Variants in ADARB2 observed in about 807,000 individuals in gnomAD.
ADARB2 encodes adenosine deaminase RNA specific B2 (inactive).
ADARB2 carries 25 observed loss-of-function variants against 62.2 expected under a neutral mutation model. The observed-to-expected ratio is 0.40, with a 90% CI of 0.29 to 0.56. ADARB2 has a LOEUF of 0.56. Ranked by LOEUF, ADARB2 falls within the 20% of genes least tolerant of loss-of-function variation. The probability of loss-of-function intolerance (pLI) is 0.43; values close to 1 mark genes in which losing one functional copy is unlikely to be tolerated. For missense variants in ADARB2, 1,071 were observed against 1,077.4 expected (o/e 0.99, Z 0.08); for synonymous variants, 572 against 500.8 (o/e 1.14, Z -1.90).
At chr10:1,183,627 G>A (rs1836710340) in intron 9 of ADARB2, among the ~76,000 whole-genome samples, 1 of 152,230 alleles carries the variant, frequency 6.6e-6, no homozygotes, top group African/African-American at 2.4e-5. Flanking sequence ...TGAACACTGT[G>A]CAGGGGCTCC....
intron 6 of ADARB2, among the ~76,000 whole-genome samples, 156 bp from the exon 7 acceptor site, chr10:1,217,275 G>A (rs1180752265): frequency 6.6e-6 from 1 of 152,210 alleles, no homozygotes; most frequent in African/African-American, 2.4e-5. Context: ...AGCGCCATGT[G>A]GGGTTGGGCT....
chr10:1,329,117 G>A (rs545126756), intron 3 of ADARB2, among the ~76,000 whole-genome samples: 1 of 152,234 alleles, frequency 6.6e-6, no homozygotes, highest in African/African-American at 2.4e-5. Context: ...CCCAGTGTGG[G>A]CAGCCTGTGG....
intron 3 of ADARB2, among the ~76,000 whole-genome samples, chr10:1,286,478 T>C (rs1831415422): frequency 6.6e-6 from 1 of 152,228 alleles, no homozygotes; most frequent in Non-Finnish European, 1.5e-5. Flanking sequence ...TATCTGACTA[T>C]TTAATTATTC....
intron 4 of ADARB2, among the ~76,000 whole-genome samples, chr10:1,248,699 A>G (rs903357755): frequency 1.3e-5 from 2 of 152,264 alleles, no homozygotes; most frequent in Non-Finnish European, 1.5e-5. Context: ...CACTCCATAC[A>G]TAGTGGCTAT....
At chr10:1,282,093 A>G (rs1415681642) in intron 3 of ADARB2, among the ~76,000 whole-genome samples, 1 of 152,140 alleles carries the variant, frequency 6.6e-6, no homozygotes, top group African/African-American at 2.4e-5. Context: ...GCTCAGCTCC[A>G]GTGATAACCT....
chr10:1,712,822 G>C (rs1202507616), intron 1 of ADARB2, among the ~76,000 whole-genome samples: 1 of 151,948 alleles, frequency 6.6e-6, no homozygotes, highest in Non-Finnish European at 1.5e-5. Context: ...TGTTAGTCAG[G>C]ATGGTCTTAA....
At chr10:1,713,714 C>T (rs1320154437) in intron 1 of ADARB2, among the ~76,000 whole-genome samples, 1 of 152,208 alleles carries the variant, frequency 6.6e-6, no homozygotes, top group Non-Finnish European at 1.5e-5. Context: ...CTGGATACCT[C>T]CATGGGTGAA....
At position 1,184,960 on chromosome 10, in the gene ADARB2, C is replaced by T. The variant is rs1331793595; in HGVS notation, c.1944G>A (p.Leu648=). The stretch of plus-strand genomic sequence containing the variant: ...GCCCAGTGGTGGCGTTGATAATCTC[C>T]AGGTCCGCGCTGCCCACGACCCAGT... ...SMNWVVGSAD[L]EIINATTGRR... Residue 648 remains leucine (L), a synonymous_variant, in exon 9 of 10, where the codon CTG becomes CTA. Transcript: ENST00000381312. 1.2e-6 allele frequency: 2 copies of T among 1,613,778 alleles called. No homozygotes were observed. Among genetic ancestry groups the T allele is most frequent in the Non-Finnish European group, 8.5e-7 (1 of 1,180,034 alleles).
At chr10:1,300,788 G>T (rs1831565917) in intron 3 of ADARB2, among the ~76,000 whole-genome samples, 1 of 152,212 alleles carries the variant, frequency 6.6e-6, no homozygotes, top group African/African-American at 2.4e-5. Flanking sequence ...CCTGCTCTTG[G>T]AGGCTTGTTT....
rs947610328 is a variant in ADARB2, at chr10:1,398,224, C to G, written c.101-19064G>C. Among the ~76,000 whole-genome samples the G allele has an allele frequency of 6.6e-6, 1 of 151,642 alleles. No individual in the cohort carries two copies. The highest frequency in any genetic ancestry group is 1.5e-5 in the Non-Finnish European group (1 of 67,896). On this transcript the variant is annotated intron_variant, in intron 1 of 9. Coordinates refer to ENST00000381312, the MANE Select transcript of ADARB2 (RefSeq NM_018702.4). The surrounding 1 kb of genome is among the most constrained non-coding windows in gnomAD (Gnocchi z 4.1). ...GGGTCACCATCAGTCTCTCCCCTCC[C>G]GAGTGCAGGCTTCCTGGGTCACCGT...
At chr10:1,715,141 A>C (rs534546550) in intron 1 of ADARB2, among the ~76,000 whole-genome samples, 1 of 151,924 alleles carries the variant, frequency 6.6e-6, no homozygotes, top group South Asian at 2.1e-4. Context: ...GTGGTGTGAC[A>C]TCCTGGTTTG....
intron 3 of ADARB2, among the ~76,000 whole-genome samples, chr10:1,303,373 C>A (rs1831593662): frequency 2.6e-5 from 4 of 151,660 alleles, no homozygotes; most frequent in Admixed American, 2.6e-4. Context: ...AAATATGGGA[C>A]TATGTGAAAA....
chr10:1,309,683 C>A (rs1831665677), intron 3 of ADARB2, among the ~76,000 whole-genome samples: 1 of 152,258 alleles, frequency 6.6e-6, no homozygotes, highest in Non-Finnish European at 1.5e-5. Context: ...GGATGAGCCA[C>A]TAGGCTCTGG....
intron 2 of ADARB2, among the ~76,000 whole-genome samples, chr10:1,373,760 T>C (rs11250476): frequency 0.099 from 6,234 of 63,196 alleles, 460 homozygotes; most frequent in East Asian, 0.26. Flanking sequence ...GTGGACTCCA[T>C]GCACCTTTCC....
intron 3 of ADARB2, among the ~76,000 whole-genome samples, chr10:1,324,271 C>T (rs1474178448): frequency 2.0e-5 from 3 of 152,184 alleles, no homozygotes; most frequent in Non-Finnish European, 2.9e-5. Context: ...GAGAAGGGCC[C>T]GGGTGGGTCC....
intron 4 of ADARB2, among the ~76,000 whole-genome samples, chr10:1,256,665 A>G (rs1831082047): frequency 6.6e-6 from 1 of 152,214 alleles, no homozygotes; most frequent in South Asian, 2.1e-4. Context: ...CTCAACATCA[A>G]CACTGCAAGG....
chr10:1,725,020 C>T (rs1349957482), intron 1 of ADARB2, among the ~76,000 whole-genome samples: 2 of 152,158 alleles, frequency 1.3e-5, no homozygotes, highest in Non-Finnish European at 1.5e-5. Flanking sequence ...ATCTTTAGTT[C>T]CTATTGCCTA....
intron 1 of ADARB2, among the ~76,000 whole-genome samples, chr10:1,537,113 C>G (rs1409572269): frequency 6.6e-6 from 1 of 152,048 alleles, no homozygotes; most frequent in Non-Finnish European, 1.5e-5. Context: ...AACAAATTTA[C>G]AAGAAAAAAA....
chr10:1,395,750 G>T (rs149879843), intron 1 of ADARB2, among the ~76,000 whole-genome samples: 1 of 152,324 alleles, frequency 6.6e-6, no homozygotes, highest in Non-Finnish European at 1.5e-5. Context: ...GACAAGGACC[G>T]GGAGTGCAGC....
Sources: allele counts gnomAD v4.1 joint callset (sites outside exome capture counted in the v4.1 genomes callset), GRCh38; gene constraint gnomAD v4.1.1; non-coding constraint Gnocchi (gnomAD v3.1); transcripts MANE v1.5; gene names NCBI Gene and HGNC (gene_info 2026-07-23, HGNC 2026-07-21).